Variants in RPS6KA2 observed in about 807,000 individuals in gnomAD.
RPS6KA2 encodes the protein ribosomal protein S6 kinase alpha-2.
In RPS6KA2, 42 loss-of-function variants were observed where a neutral mutation model predicts 91.8. The observed-to-expected ratio is 0.46, with a 90% CI of 0.36 to 0.59. The LOEUF (loss-of-function observed/expected upper bound fraction) is 0.59, where lower values mean the gene tolerates loss of function less well. Among genes scored for constraint, RPS6KA2 ranks in the 20% least tolerant of loss-of-function variants. The pLI is 0.00. For synonymous variants in RPS6KA2, 414 were observed against 393.6 expected, an observed-to-expected ratio of 1.05 and a Z score of -0.61; for missense variants, 798 against 978.5, an observed-to-expected ratio of 0.82 and a Z score of 2.46.
chr6:166,443,132 A>G (rs1383756229), intron 14 of RPS6KA2, among the ~76,000 whole-genome samples: 1 of 152,230 alleles, frequency 6.6e-6, no homozygotes, highest in Non-Finnish European at 1.5e-5. Flanking sequence ...TTCTGTAATA[A>G]TACGATCTAG....
At position 166,672,709 on chromosome 6, in the gene RPS6KA2, G is replaced by T. The variant is rs116406046; in HGVS notation, c.124-133925C>A. Among the ~76,000 whole-genome samples, 570 of 152,350 alleles carry T rather than the reference G, an allele frequency of 3.7e-3. 4 individuals carry two copies. Among genetic ancestry groups the T allele is most frequent in the African/African-American group, 0.013 (545 of 41,574 alleles). On this transcript the variant is annotated intron_variant, in intron 2 of 21. Transcript: ENST00000503859. The stretch of plus-strand genomic sequence containing the variant: ...ACTGGACAGAGGGCTGATCTCAGAG[G>T]GGGGCCGGCTCACCGGATGAGAGCA...
chr6:166,422,136 G>A (rs1778743189), intron 17 of RPS6KA2, among the ~76,000 whole-genome samples: 1 of 152,122 alleles, frequency 6.6e-6, no homozygotes, highest in South Asian at 2.1e-4. Flanking sequence ...CTGACCTCAG[G>A]TGATCCACCT....
chr6:166,841,133 A>AG (rs1041930403), intron 2 of RPS6KA2, among the ~76,000 whole-genome samples: 26 of 151,782 alleles, frequency 1.7e-4, no homozygotes, highest in African/African-American at 5.8e-4. Flanking sequence ...ATAAAAAAAA[A>AG]AAAATTAGCC....
intron 1 of RPS6KA2, among the ~76,000 whole-genome samples, chr6:166,569,338 G>C (rs936700074): frequency 1.3e-5 from 2 of 152,224 alleles, no homozygotes; most frequent in African/African-American, 4.8e-5. Flanking sequence ...GTCACGTGAG[G>C]TTAGCGCTGT....
rs78256824 is a variant in RPS6KA2, at chr6:166,519,761, G to T, written c.299-9404C>A. On this transcript the variant is annotated intron_variant, in intron 3 of 20. Coordinates refer to ENST00000265678, the MANE Select transcript of RPS6KA2 (RefSeq NM_021135.6). The stretch of plus-strand genomic sequence containing the variant: ...CTACTTTCTGGAACCCCTCTTCAAG[G>T]TGCCTCTTTTCAGGCAGCAATGCAG... 1.1e-3 allele frequency among the ~76,000 whole-genome samples: 169 copies of T among 152,270 alleles called. 1 individual carries two copies. The highest frequency in any genetic ancestry group is 3.9e-3 in the African/African-American group (162 of 41,538).
intron 1 of RPS6KA2, among the ~76,000 whole-genome samples, chr6:166,582,009 G>C (rs369682312): frequency 5.6e-4 from 35 of 62,052 alleles, no homozygotes; most frequent in South Asian, 1.5e-3. Context: ...ACAGGGAGAG[G>C]TGAGATGGGG....
chr6:166,771,609 C>T (rs1583100464), intron 2 of RPS6KA2, among the ~76,000 whole-genome samples: 1 of 152,208 alleles, frequency 6.6e-6, no homozygotes, highest in African/African-American at 2.4e-5. Context: ...CTCCTTTAGC[C>T]TTTTCCTGCC....
At chr6:166,720,781 T>A (rs1231553438) in intron 2 of RPS6KA2, among the ~76,000 whole-genome samples, 1 of 152,188 alleles carries the variant, frequency 6.6e-6, no homozygotes, top group Non-Finnish European at 1.5e-5. Context: ...ATCACCCTTA[T>A]TTTACTCAGA....
chr6:166,830,510 T>G (rs1780158950), intron 2 of RPS6KA2, among the ~76,000 whole-genome samples: 1 of 152,204 alleles, frequency 6.6e-6, no homozygotes, highest in African/African-American at 2.4e-5. Context: ...GATGGTACAT[T>G]TTATATTTTT....
intron 1 of RPS6KA2, among the ~76,000 whole-genome samples, chr6:166,579,965 C>G (rs1427159924): frequency 6.6e-6 from 1 of 152,252 alleles, no homozygotes. Flanking sequence ...AGTGACAACA[C>G]CTTCCTAACT....
Position 166,419,977 on chromosome 6 carries a change from A to T in RPS6KA2, c.1744-19T>A, listed in dbSNP as rs749169993. On this transcript the variant is annotated intron_variant, in intron 17 of 20. Coordinates refer to ENST00000265678, the MANE Select transcript of RPS6KA2 (RefSeq NM_021135.6). The surrounding 1 kb of genome is among the most constrained non-coding windows in gnomAD (Gnocchi z 5.6). Reference sequence around the variant, plus strand: ...TCAGGACCTAGGAGGGAACGACAGGACACCGGCACGCCCTTCACTAAGGAC... The same window carrying T: ...TCAGGACCTAGGAGGGAACGACAGGTCACCGGCACGCCCTTCACTAAGGAC... The T allele has an allele frequency of 1.2e-6, 2 of 1,609,878 alleles. No homozygotes were observed. The highest frequency in any genetic ancestry group is 3.3e-5 in the Admixed American group (2 of 59,982).
intron 3 of RPS6KA2, among the ~76,000 whole-genome samples, chr6:166,518,618 G>A (rs562500788): frequency 6.6e-6 from 1 of 152,294 alleles, no homozygotes; most frequent in African/African-American, 2.4e-5. Flanking sequence ...TGTTCTGTAT[G>A]GTTGACTCCC....
At chr6:166,424,080 G>A (rs1363527166) in intron 16 of RPS6KA2, 2 of 152,334 alleles carry the variant, frequency 1.3e-5, no homozygotes, top group Non-Finnish European at 2.9e-5. Context: ...CGTGTGGCGT[G>A]CCTTTGTACA....
intron 1 of RPS6KA2, among the ~76,000 whole-genome samples, chr6:166,623,339 T>G (rs530484753): frequency 6.6e-6 from 1 of 152,364 alleles, no homozygotes; most frequent in South Asian, 2.1e-4. Context: ...ACATCCCATC[T>G]TCTGAGGCTC....
rs1413868701 is a variant in RPS6KA2, at chr6:166,445,338, A to G, written c.1332+3386T>C. Among the ~76,000 whole-genome samples, 4 of 152,148 alleles carry G rather than the reference A, an allele frequency of 2.6e-5. No homozygotes were observed. The highest frequency in any genetic ancestry group is 1.5e-5 in the Non-Finnish European group (1 of 68,020). On this transcript the variant is annotated intron_variant, in intron 14 of 20. Coordinates refer to ENST00000265678, the MANE Select transcript of RPS6KA2 (RefSeq NM_021135.6). The surrounding 1 kb of genome is among the most constrained non-coding windows in gnomAD (Gnocchi z 4.5). ...AAACTCAATGAAGAAGAAAAACTCC[A>G]TCCCCATCTCCAAAATATCAACCTC...
chr6:166,528,116 C>T (rs965945480), intron 3 of RPS6KA2, among the ~76,000 whole-genome samples: 20 of 152,128 alleles, frequency 1.3e-4, no homozygotes, highest in African/African-American at 7.2e-5. Context: ...GTCAACCTTT[C>T]GAGAAACTGC....
chr6:166,437,176 G>A lies in RPS6KA2; in HGVS notation c.1333-4686C>T, dbSNP rs926587215. On this transcript the variant is annotated intron_variant, in intron 14 of 20. Transcript: ENST00000265678. The surrounding 1 kb of genome is among the most constrained non-coding windows in gnomAD (Gnocchi z 4.3). ...TGACCTGGATCTGCTGCGGGCAGCC[G>A]GGGTTTGGACACACTGTTTAGGAGC... 1.3e-5 allele frequency among the ~76,000 whole-genome samples: 2 copies of A among 152,036 alleles called. No homozygotes were observed. Among genetic ancestry groups the A allele is most frequent in the African/African-American group, 2.4e-5 (1 of 41,400 alleles).
At chr6:166,430,632 G>C (rs201654355) in intron 15 of RPS6KA2, 21 bp from the exon 16 acceptor site, 3 of 1,598,638 alleles carry the variant, frequency 1.9e-6, no homozygotes, top group East Asian at 4.5e-5. Flanking sequence ...GAGAAGGGGC[G>C]CACACGTCAC....
chr6:166,509,995 T>A (rs1782405914), intron 4 of RPS6KA2, among the ~76,000 whole-genome samples: 1 of 152,174 alleles, frequency 6.6e-6, no homozygotes, highest in Admixed American at 6.5e-5. Flanking sequence ...TAGGTTAAGA[T>A]CTTCTAAATT....
Sources: allele counts gnomAD v4.1 joint callset (sites outside exome capture counted in the v4.1 genomes callset), GRCh38; gene constraint gnomAD v4.1.1; non-coding constraint Gnocchi (gnomAD v3.1); transcripts MANE v1.5; gene names NCBI Gene and HGNC (gene_info 2026-07-23, HGNC 2026-07-21).